Variants in NCAM1 observed in about 807,000 individuals in gnomAD.
NCAM1 encodes the protein neural cell adhesion molecule 1.
Under a neutral mutation model 109.8 loss-of-function variants are expected in NCAM1, and 14 were observed. The observed-to-expected ratio is 0.13, with a 90% CI of 0.08 to 0.20. The LOEUF is 0.20. Among genes scored for constraint, NCAM1 ranks in the 10% least tolerant of loss-of-function variants. NCAM1 has a pLI of 1.00. For missense variants in NCAM1, 774 were observed against 1,109.9 expected, an observed-to-expected ratio of 0.70 and a Z score of 4.30; for synonymous variants, 418 against 442.9, an observed-to-expected ratio of 0.94 and a Z score of 0.70.
intron 1 of NCAM1, among the ~76,000 whole-genome samples, chr11:113,033,524 T>C (rs974786171): frequency 6.6e-5 from 10 of 152,180 alleles, no homozygotes; most frequent in Admixed American, 6.5e-4. Context: ...TTTTCTTCAG[T>C]AGAAGTGGAA....
Position 113,242,919 on chromosome 11 carries a change from C to T in NCAM1, c.1826-3449C>T, listed in dbSNP as rs368760902. 4.4e-5 allele frequency: 71 copies of T among 1,610,746 alleles called. No individual in the cohort carries two copies. The African/African-American group carries it at 9.2e-4, about 21-fold the overall frequency. ...TGTAGAGCCGACTTCTAGATTACAGCGCTGCCTGTTGTTTTCCCTTTTATT... is the reference window on the plus strand; with the variant it reads ...TGTAGAGCCGACTTCTAGATTACAGTGCTGCCTGTTGTTTTCCCTTTTATT... On this transcript the variant is annotated intron_variant, in intron 14 of 19. Coordinates refer to ENST00000316851, the MANE Select transcript of NCAM1 (RefSeq NM_181351.5).
At chr11:113,185,097 G>T (rs1331250645) in intron 1 of NCAM1, among the ~76,000 whole-genome samples, 127 of 130,544 alleles carry the variant, frequency 9.7e-4, no homozygotes, top group Admixed American at 3.6e-3. Flanking sequence ...GAGAGAGAGA[G>T]AGAGAGAGAG....
At chr11:113,072,079 A>G (rs1163174131) in intron 1 of NCAM1, among the ~76,000 whole-genome samples, 2 of 152,178 alleles carry the variant, frequency 1.3e-5, no homozygotes, top group Non-Finnish European at 2.9e-5. Flanking sequence ...TGAAAGATGG[A>G]GGTTGCAGTG....
chr11:112,963,038 A>T lies in NCAM1; in HGVS notation c.52+1374A>T, dbSNP rs1276592661. On this transcript the variant is annotated intron_variant, in intron 1 of 19. Coordinates refer to ENST00000316851, the MANE Select transcript of NCAM1 (RefSeq NM_181351.5). This position sits in a 1 kb window ranked among gnomAD's most constrained non-coding sequence, Gnocchi z 4.6. Reference sequence around the variant, plus strand: ...GCGCCCCCTCCGCGGGCGGCACAAGAGCAGCGCTCGGCCGCCGCCTCCAGC... The same window carrying T: ...GCGCCCCCTCCGCGGGCGGCACAAGTGCAGCGCTCGGCCGCCGCCTCCAGC... Among the ~76,000 whole-genome samples the T allele has an allele frequency of 1.3e-5, 2 of 151,946 alleles. No homozygotes were observed. Among genetic ancestry groups the T allele is most frequent in the East Asian group, 3.9e-4 (2 of 5,094 alleles).
At chr11:112,970,876 A>G (rs1950860407) in intron 1 of NCAM1, among the ~76,000 whole-genome samples, 2 of 152,202 alleles carry the variant, frequency 1.3e-5, no homozygotes, top group African/African-American at 4.8e-5. Context: ...GAAATAACAA[A>G]GCAACCAAGG....
chr11:113,081,732 C>A (rs1938829342), intron 1 of NCAM1, among the ~76,000 whole-genome samples: 5 of 152,104 alleles, frequency 3.3e-5, no homozygotes, highest in Admixed American at 3.3e-4. Context: ...CAGCATTTCA[C>A]CACGTTGGCC....
rs1340813758 is a variant in NCAM1 at position 113,074,590 on chromosome 11, T to C, written c.52+112926T>C. On this transcript the variant is annotated intron_variant, in intron 1 of 19. Transcript: ENST00000316851. Reference sequence around the variant, plus strand: ...ACATGTGGCTTTTGAACACTTGAAATGTGCTAGTATTATTGAGGAGCTGAA... The same window carrying C: ...ACATGTGGCTTTTGAACACTTGAAACGTGCTAGTATTATTGAGGAGCTGAA... 4.6e-5 allele frequency among the ~76,000 whole-genome samples: 7 copies of C among 152,318 alleles called. No individual in the cohort carries two copies. The East Asian group carries it at 1.2e-3, about 25-fold the overall frequency.
chr11:113,182,877 C>T (rs1943376886), intron 1 of NCAM1, among the ~76,000 whole-genome samples: 1 of 152,178 alleles, frequency 6.6e-6, no homozygotes, highest in Admixed American at 6.5e-5. Flanking sequence ...GTGCTGCCAC[C>T]ATCAGTGAAG....
chr11:113,074,884 G>A (rs1192028686), intron 1 of NCAM1, among the ~76,000 whole-genome samples: 1 of 152,080 alleles, frequency 6.6e-6, no homozygotes, highest in Admixed American at 6.5e-5. Flanking sequence ...TGCCCGCCTC[G>A]GCCTCCCAAA....
intron 1 of NCAM1, among the ~76,000 whole-genome samples, chr11:113,184,286 T>C (rs546487263): frequency 7.2e-5 from 11 of 152,346 alleles, no homozygotes; most frequent in African/African-American, 2.6e-4. Flanking sequence ...CTTGTTGGGT[T>C]CAGCAGGGGA....
Position 113,097,802 on chromosome 11 carries a change from A to G in NCAM1, c.53-104577A>G, listed in dbSNP as rs143516121. ...CTAAAATCATGGTGGGATTACTACT[A>G]TCATCATCAAGATGTATTTAAGTTG... On this transcript the variant is annotated intron_variant, in intron 1 of 19. Coordinates refer to ENST00000316851, the MANE Select transcript of NCAM1 (RefSeq NM_181351.5). 2.3e-3 allele frequency among the ~76,000 whole-genome samples: 352 copies of G among 152,290 alleles called. 4 individuals carry two copies. Among genetic ancestry groups the G allele is most frequent in the African/African-American group, 8.3e-3 (343 of 41,570 alleles).
At chr11:113,044,955 CG>C (rs11352253) in intron 1 of NCAM1, among the ~76,000 whole-genome samples, 1,552 of 152,114 alleles carry the variant, frequency 0.01, 23 homozygotes, top group African/African-American at 0.035. Flanking sequence ...GGGGTTTCAC[CG>C]TGTTAGCAAG....
intron 1 of NCAM1, among the ~76,000 whole-genome samples, chr11:113,167,722 CTCA>C (rs1942851808): frequency 6.6e-6 from 1 of 152,132 alleles, no homozygotes; most frequent in Non-Finnish European, 1.5e-5. Context: ...TCTATGCATT[CTCA>C]TCATGTGGTT....
At chr11:113,195,910 G>GGGGT (rs1491555807) in intron 1 of NCAM1, among the ~76,000 whole-genome samples, 3 of 148,400 alleles carry the variant, frequency 2.0e-5, no homozygotes, top group Admixed American at 1.3e-4. Context: ...TTGTTTGCAG[G>GGGGT]GTGTGTGTGT....
At chr11:112,987,193 G>T (rs1555069784) in intron 1 of NCAM1, among the ~76,000 whole-genome samples, 1 of 151,932 alleles carries the variant, frequency 6.6e-6, no homozygotes, top group African/African-American at 2.4e-5. Context: ...CCATATTTTT[G>T]TGAATTTTTC....
At chr11:113,271,052 T>A (rs1467881101) in intron 18 of NCAM1, among the ~76,000 whole-genome samples, 1 of 152,188 alleles carries the variant, frequency 6.6e-6, no homozygotes, top group Non-Finnish European at 1.5e-5. Flanking sequence ...AGGCACTGTA[T>A]ATGCATATAC....
At chr11:113,244,064 G>T (rs541339375) in intron 14 of NCAM1, among the ~76,000 whole-genome samples, 240 of 151,100 alleles carry the variant, frequency 1.6e-3, no homozygotes, top group African/African-American at 5.3e-3. Context: ...ATTATGAGGG[G>T]TTTTTTTTTA....
intron 1 of NCAM1, among the ~76,000 whole-genome samples, chr11:112,967,266 A>C (rs2134488724): frequency 6.6e-6 from 1 of 152,328 alleles, no homozygotes; most frequent in South Asian, 2.1e-4. Flanking sequence ...ATTCATAGTA[A>C]TGTCACACTG....
At chr11:113,254,615 T>A (rs997337236) in intron 15 of NCAM1, among the ~76,000 whole-genome samples, 3 of 152,248 alleles carry the variant, frequency 2.0e-5, no homozygotes, top group African/African-American at 4.8e-5. Flanking sequence ...GGCGTGACTC[T>A]CGCTGTGCCT....
Sources: gnomAD v4.1 joint callset for allele counts (sites outside exome capture counted in the v4.1 genomes callset) on GRCh38, gnomAD v4.1.1 for gene constraint, Gnocchi (gnomAD v3.1) non-coding constraint, MANE v1.5 for transcripts, NCBI Gene and HGNC (gene_info 2026-07-23, HGNC 2026-07-21) for gene names.